The following DMD variants were observed in gnomAD, a reference collection of about 807,000 sequenced individuals.
The protein encoded by DMD is dystrophin.
DMD carries 63 observed loss-of-function variants against 330.1 expected under a neutral mutation model. That is an observed-to-expected ratio of 0.19 (90% CI 0.16 to 0.24). DMD has a LOEUF of 0.24. Ranked by LOEUF, DMD falls within the 10% of genes least tolerant of loss-of-function variation. The pLI is 1.00. For synonymous variants in DMD, 1,223 were observed against 959.8 expected (o/e 1.27, Z -5.07); for missense variants, 3,344 against 2,684.1 (o/e 1.25, Z -5.43).
chrX:32,754,281 C>T (rs2071203809), intron 7 of DMD, among the ~76,000 whole-genome samples: 1 of 110,752 alleles, frequency 9.0e-6, no homozygotes, highest in African/African-American at 3.3e-5. Context: ...GAAACTGAAA[C>T]ACAGTATGAC....
At chrX:31,526,207 C>T (rs2073228245) in intron 55 of DMD, among the ~76,000 whole-genome samples, 3 of 112,340 alleles carry the variant, frequency 2.7e-5, no homozygotes, top group African/African-American at 9.7e-5. Flanking sequence ...CGGCATTGTG[C>T]TTGTATGACT....
chrX:32,906,736 T>C (rs62593385), intron 2 of DMD, among the ~76,000 whole-genome samples: 3,134 of 111,348 alleles, frequency 0.028, 49 homozygotes, highest in Non-Finnish European at 0.047. Flanking sequence ...TTAGGATTTA[T>C]AGATGGGGTC....
rs1184394653 is a variant in DMD at position 31,897,847 on chromosome X, C to T, written c.6913-22474G>A. On this transcript the variant is annotated intron_variant, in intron 47 of 78. Transcript: ENST00000357033. ...AGCCCTTTATCAGATGAGTAGGTTG[C>T]GAAAATTTTCTCCCATTTTGTAGGT... Among the ~76,000 whole-genome samples the T allele has an allele frequency of 5.7e-4, 63 of 109,584 alleles. 1 individual carries two copies. Among genetic ancestry groups the T allele is most frequent in the South Asian group, 8.0e-4 (2 of 2,496 alleles).
intron 62 of DMD, among the ~76,000 whole-genome samples, chrX:31,305,237 C>A (rs961176130): frequency 9.0e-6 from 1 of 111,716 alleles, no homozygotes; most frequent in African/African-American, 3.2e-5. Flanking sequence ...TATCCATTAC[C>A]TCACCAACAT....
At chrX:32,408,089 G>A (rs1359185478) in intron 30 of DMD, among the ~76,000 whole-genome samples, 9 of 110,203 alleles carry the variant, frequency 8.2e-5, no homozygotes, top group Admixed American at 3.9e-4. Context: ...TAACCTGCAC[G>A]TTGTGCACAT....
chrX:32,560,459 T>C (rs1464916365), intron 16 of DMD, among the ~76,000 whole-genome samples: 1 of 111,000 alleles, frequency 9.0e-6, no homozygotes. Context: ...TTTTTTAAGT[T>C]CCAGGGTACA....
At chrX:31,716,551 CAACAA>C (rs751730837) in intron 52 of DMD, among the ~76,000 whole-genome samples, 14 of 107,523 alleles carry the variant, frequency 1.3e-4, no homozygotes, top group African/African-American at 2.1e-4. Flanking sequence ...AACTCCATCT[CAACAA>C]AACAAAACAA....
intron 42 of DMD, among the ~76,000 whole-genome samples, chrX:32,290,248 T>C (rs779533114): frequency 1.8e-5 from 2 of 112,565 alleles, no homozygotes; most frequent in South Asian, 7.3e-4. Flanking sequence ...TACTCTATTT[T>C]AAATAGCACC....
At chrX:31,686,189 C>T (rs1216680483) in intron 52 of DMD, among the ~76,000 whole-genome samples, 2 of 112,340 alleles carry the variant, frequency 1.8e-5, no homozygotes, top group African/African-American at 6.5e-5. Flanking sequence ...TTAAAAACAT[C>T]CTTAGTGCAC....
At position 31,242,262 on chromosome X, in the gene DMD, C is replaced by CAAAAAAAAA. The variant is rs72176984; in HGVS notation, c.9286+18684_9286+18692dup. Among the ~76,000 whole-genome samples, 55 of 24,646 alleles carry CAAAAAAAAA rather than the reference C, an allele frequency of 2.2e-3. 2 individuals carry two copies. The highest frequency in any genetic ancestry group is 0.013 in the South Asian group (2 of 155). The allele number at this position is 24,646 out of a possible 115,157, so 21.4% of individuals were successfully genotyped here. ...CAAAGTGAGACCCTGTCTCAAAAAG[C>CAAAAAAAAA]AAAAAAAAAAAAAAAAAAAAAAAAA... On this transcript the variant is annotated intron_variant, in intron 63 of 78. Coordinates refer to ENST00000357033, the MANE Select transcript of DMD (RefSeq NM_004006.3).
At chrX:32,034,428 T>C in intron 44 of DMD, among the ~76,000 whole-genome samples, 1 of 111,767 alleles carries the variant, frequency 8.9e-6, no homozygotes, top group Non-Finnish European at 1.9e-5. Flanking sequence ...TTTTAAACAC[T>C]GAGTCTCTTC....
At chrX:31,688,647 C>G (rs979378616) in intron 52 of DMD, among the ~76,000 whole-genome samples, 2 of 111,441 alleles carry the variant, frequency 1.8e-5, no homozygotes, top group African/African-American at 6.5e-5. Flanking sequence ...GATACCAAAG[C>G]CTGGCAGAGA....
intron 13 of DMD, among the ~76,000 whole-genome samples, chrX:32,593,624 T>A (rs1343100035): frequency 9.0e-6 from 1 of 111,065 alleles, no homozygotes; most frequent in African/African-American, 3.3e-5. Flanking sequence ...CAAATTCTTT[T>A]TTTTAACTGT....
At chrX:31,782,946 C>A (rs1206949070) in intron 50 of DMD, among the ~76,000 whole-genome samples, 1 of 111,350 alleles carries the variant, frequency 9.0e-6, no homozygotes. Flanking sequence ...TGCACTAAGA[C>A]CTTTGTATAT....
intron 7 of DMD, among the ~76,000 whole-genome samples, chrX:32,710,251 G>C (rs1233978057): frequency 4.6e-5 from 5 of 109,039 alleles, no homozygotes; most frequent in African/African-American, 1.7e-4. Flanking sequence ...TCTGATTAAA[G>C]TGGAAAAAAA....
chrX:32,889,775 C>G (rs2085015369), intron 2 of DMD, among the ~76,000 whole-genome samples: 1 of 111,041 alleles, frequency 9.0e-6, no homozygotes, highest in African/African-American at 3.3e-5. Context: ...GATAATCCCA[C>G]CACCCTTGGC....
chrX:32,602,132 C>A (rs761496890), intron 12 of DMD, among the ~76,000 whole-genome samples: 1 of 111,767 alleles, frequency 8.9e-6, no homozygotes, highest in Non-Finnish European at 1.9e-5. Context: ...TTAAATAATA[C>A]CTGAACTTCC....
intron 74 of DMD, among the ~76,000 whole-genome samples, chrX:31,161,607 T>G (rs892082876): frequency 1.8e-5 from 2 of 111,257 alleles, no homozygotes; most frequent in African/African-American, 6.5e-5. Flanking sequence ...CCTCCCCCTC[T>G]CCATTTTCCC....
intron 3 of DMD, among the ~76,000 whole-genome samples, chrX:32,845,503 C>G (rs1263755301): frequency 2.7e-5 from 3 of 111,891 alleles, no homozygotes; most frequent in Non-Finnish European, 5.6e-5. Flanking sequence ...TATTTACTCT[C>G]ATTTTCATTT....
Sources: allele counts gnomAD v4.1 joint callset (sites outside exome capture counted in the v4.1 genomes callset), GRCh38; gene constraint gnomAD v4.1.1; transcripts MANE v1.5; gene names NCBI Gene and HGNC (gene_info 2026-07-23, HGNC 2026-07-21).